The following KLHL13 variants were observed in gnomAD, a reference collection of about 807,000 sequenced individuals.
The protein encoded by KLHL13 is kelch-like protein 13.
KLHL13 carries 10 observed loss-of-function variants against 37.1 expected under a neutral mutation model. The ratio of observed to expected loss-of-function variants is 0.27; its 90% CI spans 0.17 to 0.46. The LOEUF (loss-of-function observed/expected upper bound fraction) is 0.46, where lower values mean the gene tolerates loss of function less well. Ranked by LOEUF, KLHL13 falls within the 20% of genes least tolerant of loss-of-function variation. The pLI, the probability that KLHL13 is intolerant of heterozygous loss-of-function variation, is 1.00. For synonymous variants in KLHL13, 163 were observed against 181.2 expected, an observed-to-expected ratio of 0.90 and a Z score of 0.81; for missense variants, 360 against 509.3, an observed-to-expected ratio of 0.71 and a Z score of 2.82.
intron 1 of KLHL13, among the ~76,000 whole-genome samples, chrX:118,003,429 G>GA (rs1447038582): frequency 2.7e-5 from 3 of 110,600 alleles, no homozygotes; most frequent in Non-Finnish European, 5.7e-5. Context: ...TTAGTGAAAA[G>GA]AAAAAAAATT....
At position 118,027,331 on chromosome X, in the gene KLHL13, C is replaced by T. The variant is rs952168602; in HGVS notation, c.-55-81756G>A. Among the ~76,000 whole-genome samples, 5 of 110,588 alleles carry T rather than the reference C, an allele frequency of 4.5e-5. No individual in the cohort carries two copies. In the Admixed American group the frequency reaches 4.9e-4, roughly 11 times the overall value. On this transcript the variant is annotated intron_variant, in intron 1 of 6. Coordinates refer to the KLHL13 transcript ENST00000371882. ...GTACTAATTTGGCTCCTTCTGACTT[C>T]TTTTTGTTTCCTAGTCTTAAAAACC... is the stretch of plus-strand genomic sequence containing the variant.
In KLHL13 at chrX:118,081,084, G is replaced by A. The variant is rs1425979438; in HGVS notation, c.-56+35424C>T. Among the ~76,000 whole-genome samples, 5 of 111,253 alleles carry A rather than the reference G, an allele frequency of 4.5e-5. No homozygotes were observed. The South Asian group carries it at 1.1e-3, about 25-fold the overall frequency. On this transcript the variant is annotated intron_variant, in intron 1 of 6. Transcript: ENST00000371882. ...TTGAGCACATATGGACATAAATATCGAAACAATAGACACTGTGGACTACTA... is the reference window on the plus strand; with the variant it reads ...TTGAGCACATATGGACATAAATATCAAAACAATAGACACTGTGGACTACTA...
chrX:117,969,828 T>C lies in KLHL13; in HGVS notation c.98+2903A>G, dbSNP rs184393155. On this transcript the variant is annotated intron_variant, in intron 1 of 6. Coordinates refer to ENST00000262820, the Ensembl canonical transcript of KLHL13. ...CTATATAAGATGCTATTTCTACTAA[T>C]ATTGCCACAAATACTATAGTCTTCA... Among the ~76,000 whole-genome samples, 20 of 111,942 alleles carry C rather than the reference T, an allele frequency of 1.8e-4. No individual in the cohort carries two copies. The East Asian group carries it at 5.6e-3, about 31-fold the overall frequency.
At chrX:118,111,640 C>T (rs1391261518) in intron 1 of KLHL13, among the ~76,000 whole-genome samples, 6 of 112,529 alleles carry the variant, frequency 5.3e-5, no homozygotes, top group African/African-American at 1.6e-4. Flanking sequence ...CGCCTGTAAT[C>T]CCAACACTTT....
intron 1 of KLHL13, among the ~76,000 whole-genome samples, chrX:118,094,915 G>C (rs1388838487): frequency 1.3e-4 from 14 of 111,538 alleles, no homozygotes; most frequent in Admixed American, 1.9e-4. Flanking sequence ...AGGAACAACT[G>C]GTACCAGCCA....
At chrX:117,973,348 T>G (rs2053554310) in exon 1 of KLHL13, 1 of 970,750 alleles carries the variant, frequency 1.0e-6, no homozygotes, top group Admixed American at 3.0e-5. Flanking sequence ...AACAATCTTC[T>G]TTTGAGCTGC....
intron 1 of KLHL13, among the ~76,000 whole-genome samples, chrX:117,990,436 G>A (rs2053775233): frequency 1.8e-5 from 2 of 111,932 alleles, no homozygotes; most frequent in South Asian, 7.4e-4. Context: ...TTACCACCTA[G>A]GCCAGGGAAT....
At chrX:118,070,198 T>A (rs1407153273) in intron 1 of KLHL13, among the ~76,000 whole-genome samples, 2 of 112,231 alleles carry the variant, frequency 1.8e-5, no homozygotes, top group African/African-American at 6.5e-5. Flanking sequence ...GATGCATTTC[T>A]CAGAATGTAT....
chrX:118,036,369 C>T (rs1053143011), intron 1 of KLHL13, among the ~76,000 whole-genome samples: 7 of 112,046 alleles, frequency 6.2e-5, no homozygotes, highest in South Asian at 3.7e-4. Context: ...GTCACCAAAA[C>T]AGCATGGTGC....
chrX:118,053,635 TATA>T (rs1334426373), intron 1 of KLHL13, among the ~76,000 whole-genome samples: 1 of 107,339 alleles, frequency 9.3e-6, no homozygotes, highest in Non-Finnish European at 1.9e-5. Context: ...AAACTTAAAG[TATA>T]ATAATAAAAA....
At chrX:118,040,851 C>T (rs1243228527) in intron 1 of KLHL13, among the ~76,000 whole-genome samples, 1 of 112,203 alleles carries the variant, frequency 8.9e-6, no homozygotes. Context: ...AGCTCCAATA[C>T]ATCTGTCAGC....
In KLHL13 at chrX:118,099,038, A is replaced by G. The variant is rs948094386; in HGVS notation, c.-56+17470T>C. ...GATGAGTTAATGGGTGCAGCACACCAACATTGCACATGTATACATATGTAA... is the reference window on the plus strand; with the variant it reads ...GATGAGTTAATGGGTGCAGCACACCGACATTGCACATGTATACATATGTAA... On this transcript the variant is annotated intron_variant, in intron 1 of 6. Transcript: ENST00000371882. Among the ~76,000 whole-genome samples the G allele has an allele frequency of 2.8e-5, 3 of 106,435 alleles. No homozygotes were observed. The East Asian group carries it at 9.0e-4, about 32-fold the overall frequency. The allele number at this position is 106,435 out of a possible 115,157, so 92.4% of individuals were successfully genotyped here. A position where few individuals can be genotyped will look rare whatever the true frequency, so the allele number is the denominator to read the frequency against.
chrX:118,103,470 A>T (rs1423683561), intron 1 of KLHL13, among the ~76,000 whole-genome samples: 1 of 111,957 alleles, frequency 8.9e-6, no homozygotes, highest in Non-Finnish European at 1.9e-5. Flanking sequence ...ATAGGCATTT[A>T]AAAATACTGA....
At chrX:118,004,396 A>T (rs2053958728) in intron 1 of KLHL13, among the ~76,000 whole-genome samples, 1 of 111,990 alleles carries the variant, frequency 8.9e-6, no homozygotes, top group African/African-American at 3.2e-5. Flanking sequence ...ATGATTATCC[A>T]CTAAAAGGAA....
intron 1 of KLHL13, chrX:117,947,341 T>A (rs143466226): frequency 8.9e-6 from 1 of 112,092 alleles, no homozygotes; most frequent in South Asian, 3.7e-4. Context: ...ACTTAATATA[T>A]GTCCTCTGAA....
chrX:118,100,057 A>G (rs1215689121), intron 1 of KLHL13, among the ~76,000 whole-genome samples: 2 of 112,202 alleles, frequency 1.8e-5, no homozygotes, highest in African/African-American at 6.5e-5. Flanking sequence ...TCACAGGCAC[A>G]TGAAGTAAAG....
At chrX:117,921,826 T>G (rs1474985459) in intron 2 of KLHL13, among the ~76,000 whole-genome samples, 2 of 112,436 alleles carry the variant, frequency 1.8e-5, no homozygotes, top group Non-Finnish European at 3.8e-5. Flanking sequence ...TTCAAAGAGA[T>G]GATCTGATCC....
At position 118,002,666 on chromosome X, in the gene KLHL13, C is replaced by G. The variant is rs1336057159; in HGVS notation, c.-55-57091G>C. Among the ~76,000 whole-genome samples the G allele has an allele frequency of 2.7e-5, 3 of 109,674 alleles. No homozygotes were observed. The Admixed American group carries it at 2.9e-4, about 11-fold the overall frequency. Reference sequence around the variant, plus strand: ...AATAAAATGCTGTGGGATGGAATATCATGCAATTCTCTCAGAGGCAGGGTT... The same window carrying G: ...AATAAAATGCTGTGGGATGGAATATGATGCAATTCTCTCAGAGGCAGGGTT... On this transcript the variant is annotated intron_variant, in intron 1 of 6. Transcript: ENST00000371882.
Position 118,015,991 on chromosome X carries a change from AC to A in KLHL13, c.-55-70417del, listed in dbSNP as rs974603126. 1.9e-4 allele frequency among the ~76,000 whole-genome samples: 21 copies of A among 111,719 alleles called. No individual in the cohort carries two copies. In the Admixed American group the frequency reaches 1.9e-3, roughly 10 times the overall value. On this transcript the variant is annotated intron_variant, in intron 1 of 6. Transcript: ENST00000371882. ...AATCTTCAAAAAACACAGAAAAGAT[AC>A]CTTCATTGAAAGTGAGAAAACCAAA... is the stretch of plus-strand genomic sequence containing the variant.
Sources: allele counts gnomAD v4.1 joint callset (sites outside exome capture counted in the v4.1 genomes callset), GRCh38; gene constraint gnomAD v4.1.1; transcripts MANE v1.5; gene names NCBI Gene and HGNC (gene_info 2026-07-23, HGNC 2026-07-21).